PASK: variants seen among roughly 807,000 people sequenced by gnomAD.
PASK encodes the protein PAS domain containing serine/threonine kinase.
Under a neutral mutation model 121.0 loss-of-function variants are expected in PASK, and 110 were observed. The observed-to-expected ratio is 0.91, with a 90% confidence interval of 0.78 to 1.06. PASK has a LOEUF of 1.06. Among genes scored for constraint, PASK ranks in the 50% least tolerant of loss-of-function variants. PASK has a pLI of 0.00. For missense variants in PASK, 1,643 were observed against 1,702.3 expected (o/e 0.97, Z 0.61); for synonymous variants, 686 against 717.8 (o/e 0.96, Z 0.71).
intron 9 of PASK, among the ~76,000 whole-genome samples, chr2:241,130,259 T>C (rs893489709): frequency 6.6e-6 from 1 of 152,174 alleles, no homozygotes; most frequent in African/African-American, 2.4e-5. Flanking sequence ...ATCTCTATAG[T>C]CATAACTGCA....
At chr2:241,111,500 C>T (rs553173220) in intron 15 of PASK, among the ~76,000 whole-genome samples, 51 of 152,332 alleles carry the variant, frequency 3.3e-4, no homozygotes, top group African/African-American at 1.1e-3. Flanking sequence ...CACATAGACA[C>T]ATTTGGTTTA....
rs376383029 is a variant in PASK at position 241,112,225 on chromosome 2, C to T, written c.3533+15G>A. The T allele has an allele frequency of 1.2e-6, 2 of 1,604,558 alleles. No homozygotes were observed. The highest frequency in any genetic ancestry group is 1.7e-6 in the Non-Finnish European group (2 of 1,171,494). On this transcript the variant is annotated intron_variant, in intron 15 of 17. Coordinates refer to ENST00000234040, the MANE Select transcript of PASK (RefSeq NM_015148.4). The surrounding 1 kb of genome is among the most constrained non-coding windows in gnomAD (Gnocchi z 5.2). Reference sequence around the variant, plus strand: ...GAGGACACGAGGACGGGCCGCACCGCAGCCGCATACGTACGGATTCCCCAT... The same window carrying T: ...GAGGACACGAGGACGGGCCGCACCGTAGCCGCATACGTACGGATTCCCCAT...
intron 5 of PASK, 118 bp from the exon 6 acceptor site, chr2:241,138,205 G>C: frequency 9.9e-7 from 1 of 1,008,056 alleles, no homozygotes; most frequent in African/African-American, 1.6e-5. Context: ...TCCATCGGAA[G>C]GGCAAGAGAC....
Position 241,122,841 on chromosome 2 carries a change from A to T in PASK, c.2963T>A (p.Leu988Ter), listed in dbSNP as rs2065678277. ...EPPKAVELEG[L>*]AACEGEYSQK... ...GGAGTACTCGCCCTCACAGGCCGCC[A>T]ACCCCTCCAGTTCCACAGCCTTGGG... is the stretch of plus-strand genomic sequence containing the variant. Residue 988 changes from leucine to a stop codon, truncating the protein, a stop_gained, in exon 12 of 18, where the codon TTG becomes TAG. Coordinates refer to ENST00000234040, the MANE Select transcript of PASK (RefSeq NM_015148.4). LOFTEE classifies it high-confidence loss of function. 6.2e-7 allele frequency: 1 copy of T among 1,614,080 alleles called. No individual in the cohort carries two copies. Among genetic ancestry groups the T allele is most frequent in the Non-Finnish European group, 8.5e-7 (1 of 1,180,032 alleles).
rs941966841 is a variant in PASK at position 241,112,743 on chromosome 2, C to T, written c.3334-304G>A. 1.6e-5 allele frequency: 6 copies of T among 365,022 alleles called. No individual in the cohort carries two copies. The highest frequency in any genetic ancestry group is 4.2e-5 in the African/African-American group (2 of 47,424). The allele number at this position is 365,022 out of a possible 1,614,324, so 22.6% of individuals were successfully genotyped here. A position where few individuals can be genotyped will look rare whatever the true frequency, so the allele number is the denominator to read the frequency against. On this transcript the variant is annotated intron_variant, in intron 14 of 17. Coordinates refer to ENST00000234040, the MANE Select transcript of PASK (RefSeq NM_015148.4). The surrounding 1 kb of genome is among the most constrained non-coding windows in gnomAD (Gnocchi z 5.2). ...CCCAGCAGACACTCGCCCCCACCAA[C>T]GCACACCATGCCTATTTCAGGAGGA...
At chr2:241,116,171 A>ACCCGGTC (rs2065360202) in intron 12 of PASK, among the ~76,000 whole-genome samples, 1 of 144,974 alleles carries the variant, frequency 6.9e-6, no homozygotes, top group African/African-American at 2.7e-5. Flanking sequence ...CACCAGGGCC[A>ACCCGGTC]CCCAGTCCTC....
At chr2:241,119,865 C>T (rs1159588793) in intron 12 of PASK, among the ~76,000 whole-genome samples, 1 of 152,164 alleles carries the variant, frequency 6.6e-6, no homozygotes, top group Non-Finnish European at 1.5e-5. Flanking sequence ...ACACCCTCTC[C>T]TCCTCCTCCA....
chr2:241,134,990 A>T (rs2066339572), intron 8 of PASK, among the ~76,000 whole-genome samples: 1 of 152,194 alleles, frequency 6.6e-6, no homozygotes, highest in South Asian at 2.1e-4. Flanking sequence ...AACAAGAATG[A>T]GCACTGTGGA....
At chr2:241,113,440 T>TTA (rs2065192157) in intron 14 of PASK, 1 of 113,322 alleles carries the variant, frequency 8.8e-6, no homozygotes, top group Non-Finnish European at 2.3e-5. Context: ...ATACATACAT[T>TTA]TAGATACATA....
At position 241,107,408 on chromosome 2, in the gene PASK, CTG is replaced by C. The variant is rs1351813423; in HGVS notation, c.3757_3758del (p.Gln1253AlafsTer6). 2.5e-6 allele frequency: 4 copies of C among 1,613,984 alleles called. No homozygotes were observed. In the African/African-American group the frequency reaches 5.3e-5, roughly 22 times the overall value. On this transcript the variant is annotated frameshift_variant, in exon 17 of 18. Transcript: ENST00000234040. LOFTEE classifies it high-confidence loss of function. ...ATGTATAGTCAGCAAGATTCACAGG[CTG>C]TGTTACCCACGGGTCTGTCACCAGC... ...EKLVTDPWVT[Q>X]PVNLADYTWE...
Position 241,108,938 on chromosome 2 carries a change from T to C in PASK, c.3534-638A>G, listed in dbSNP as rs2064995379. ...CACCCAAAGGACTATTGTTACTTCC[T>C]GTCGCCGTAAACATCCTCATCCACG... On this transcript the variant is annotated intron_variant, in intron 15 of 17. Coordinates refer to ENST00000234040, the MANE Select transcript of PASK (RefSeq NM_015148.4). The surrounding 1 kb of genome is among the most constrained non-coding windows in gnomAD (Gnocchi z 5.2). The C allele has an allele frequency of 6.3e-6, 1 of 159,278 alleles. No homozygotes were observed. The highest frequency in any genetic ancestry group is 1.4e-5 in the Non-Finnish European group (1 of 72,010). 9.9% of individuals were successfully genotyped at this position (159,278 alleles called of 1,614,324 possible).
At chr2:241,120,492 C>CAAAAAAAAAAAAAAAAAAAAAAAAA (rs568145375) in intron 12 of PASK, among the ~76,000 whole-genome samples, 7 of 140,036 alleles carry the variant, frequency 5.0e-5, no homozygotes, top group Middle Eastern at 3.7e-3. Flanking sequence ...GACTCTGTCT[C>CAAAAAAAAAAAAAAAAAAAAAAAAA]AAAAGAAAAA....
intron 8 of PASK, chr2:241,134,360 T>C (rs997731667): frequency 1.3e-5 from 2 of 152,146 alleles, no homozygotes; most frequent in Non-Finnish European, 2.9e-5. Flanking sequence ...AAAACCCAGA[T>C]ACAATGAAGG....
At chr2:241,120,252 G>A (rs2065546264) in intron 12 of PASK, among the ~76,000 whole-genome samples, 1 of 152,102 alleles carries the variant, frequency 6.6e-6, no homozygotes. Flanking sequence ...TAGCACTTTG[G>A]GAGGCTAAGG....
chr2:241,149,600 G>C, upstream of PASK: 2 of 1,508,942 alleles, frequency 1.3e-6, no homozygotes, highest in Non-Finnish European at 1.8e-6. Context: ...GGGTTGCTAG[G>C]GACGCACCAA....
chr2:241,129,724 C>T (rs995639440), intron 9 of PASK, among the ~76,000 whole-genome samples: 1 of 152,242 alleles, frequency 6.6e-6, no homozygotes, highest in Non-Finnish European at 1.5e-5. Flanking sequence ...CAGGCATCGC[C>T]ACGCCACTCA....
rs564766711 is a variant in PASK at position 241,112,597 on chromosome 2, T to C, written c.3334-158A>G. The C allele has an allele frequency of 4.9e-6, 3 of 609,048 alleles. No individual in the cohort carries two copies. The highest frequency in any genetic ancestry group is 3.0e-5 in the Admixed American group (1 of 33,444). The allele number at this position is 609,048 out of a possible 1,614,324, so 37.7% of individuals were successfully genotyped here. On this transcript the variant is annotated intron_variant, in intron 14 of 17. Coordinates refer to ENST00000234040, the MANE Select transcript of PASK (RefSeq NM_015148.4). This position sits in a 1 kb window ranked among gnomAD's most constrained non-coding sequence, Gnocchi z 5.2. ...AGATTTTTCAATGCTGAAGATATGA[T>C]TGGAAGCAAACAGGAAACAAAGCCC...
intron 1 of PASK, among the ~76,000 whole-genome samples, chr2:241,143,637 CAA>C (rs2066817385): frequency 6.6e-6 from 1 of 151,624 alleles, no homozygotes; most frequent in African/African-American, 2.4e-5. Flanking sequence ...GAGAGGAAAA[CAA>C]AGAACAGGGT....
chr2:241,116,054 CATTA>C, intron 12 of PASK, among the ~76,000 whole-genome samples: 1 of 141,092 alleles, frequency 7.1e-6, no homozygotes, highest in Non-Finnish European at 1.5e-5. Context: ...TCAAGCATCC[CATTA>C]CACCAGAGAC....
Sources: allele counts gnomAD v4.1 joint callset (sites outside exome capture counted in the v4.1 genomes callset), GRCh38; gene constraint gnomAD v4.1.1; non-coding constraint Gnocchi (gnomAD v3.1); transcripts MANE v1.5; gene names NCBI Gene and HGNC (gene_info 2026-07-23, HGNC 2026-07-21).